Variants in COMMD1 observed in about 807,000 individuals in gnomAD.
The protein encoded by COMMD1 is copper metabolism domain containing 1, also known as COMM domain-containing protein 1.
COMMD1 carries 10 observed loss-of-function variants against 17.2 expected under a neutral mutation model. The observed-to-expected ratio is 0.58, with a 90% CI of 0.36 to 0.99. The LOEUF (loss-of-function observed/expected upper bound fraction) is 0.99, where lower values mean the gene tolerates loss of function less well. Ranked by LOEUF, COMMD1 falls within the 50% of genes least tolerant of loss-of-function variation. COMMD1 has a pLI of 0.01. For synonymous variants in COMMD1, 97 were observed against 91.6 expected, an observed-to-expected ratio of 1.06 and a Z score of -0.34; for missense variants, 270 against 231.8, an observed-to-expected ratio of 1.17 and a Z score of -1.07.
At chr2:61,941,119 C>A (rs1558529185) in intron 1 of COMMD1, among the ~76,000 whole-genome samples, 1 of 151,984 alleles carries the variant, frequency 6.6e-6, no homozygotes, top group Non-Finnish European at 1.5e-5. Flanking sequence ...CCTCCGACTC[C>A]CGGGTTCAAG....
At chr2:61,943,648 A>C (rs1670811866) in intron 1 of COMMD1, among the ~76,000 whole-genome samples, 1 of 152,138 alleles carries the variant, frequency 6.6e-6, no homozygotes, top group African/African-American at 2.4e-5. Context: ...CAACCTGGCC[A>C]ATATGGTGAA....
chr2:62,045,695 T>C (rs1346543409), intron 2 of COMMD1, among the ~76,000 whole-genome samples: 3 of 145,738 alleles, frequency 2.1e-5, no homozygotes, highest in Non-Finnish European at 4.5e-5. Context: ...AGCCACCAAA[T>C]CTGGCCTCCT....
At chr2:62,110,785 C>T (rs944419495) in intron 2 of COMMD1, among the ~76,000 whole-genome samples, 3 of 152,022 alleles carry the variant, frequency 2.0e-5, no homozygotes, top group Non-Finnish European at 4.4e-5. Flanking sequence ...TTATCTGGGA[C>T]ACCGTTCAAA....
chr2:61,986,193 C>G (rs936338326), intron 1 of COMMD1, among the ~76,000 whole-genome samples: 1 of 151,896 alleles, frequency 6.6e-6, no homozygotes, highest in Admixed American at 6.6e-5. Flanking sequence ...ATATGTCATG[C>G]CAATCTCACC....
intron 1 of COMMD1, among the ~76,000 whole-genome samples, chr2:61,979,563 C>T (rs576973733): frequency 2.6e-5 from 4 of 152,176 alleles, no homozygotes; most frequent in South Asian, 2.1e-4. Context: ...ATCAGGATAT[C>T]GAAGAGATAT....
chr2:61,896,419 C>G (rs1669549733), intron 1 of COMMD1, among the ~76,000 whole-genome samples: 1 of 151,460 alleles, frequency 6.6e-6, no homozygotes, highest in Non-Finnish European at 1.5e-5. Context: ...GATCCTGTCT[C>G]TAAAAAAAAA....
intron 2 of COMMD1, among the ~76,000 whole-genome samples, chr2:62,067,502 A>G (rs963527775): frequency 6.6e-6 from 1 of 152,252 alleles, no homozygotes; most frequent in Admixed American, 6.5e-5. Flanking sequence ...ATGCTTCATA[A>G]CAAGACAGAG....
intron 1 of COMMD1, among the ~76,000 whole-genome samples, chr2:61,963,774 A>G (rs1321389439): frequency 6.6e-6 from 1 of 152,236 alleles, no homozygotes. Flanking sequence ...GGTAGTTTGT[A>G]TCAGAATTGC....
chr2:62,073,959 A>T (rs748165876), intron 2 of COMMD1, among the ~76,000 whole-genome samples: 1 of 152,184 alleles, frequency 6.6e-6, no homozygotes, highest in Non-Finnish European at 1.5e-5. Context: ...GGCCTCCTAA[A>T]GTGTTAGGAT....
chr2:62,021,918 TTTC>T (rs1669622287), intron 2 of COMMD1, among the ~76,000 whole-genome samples: 1 of 152,236 alleles, frequency 6.6e-6, no homozygotes, highest in Non-Finnish European at 1.5e-5. Flanking sequence ...TGATTTGTGT[TTTC>T]TTCTGTAGAA....
At chr2:62,044,203 T>A (rs1249003667) in intron 2 of COMMD1, among the ~76,000 whole-genome samples, 1 of 152,226 alleles carries the variant, frequency 6.6e-6, no homozygotes, top group Non-Finnish European at 1.5e-5. Context: ...AATCAATTTG[T>A]TTATTCTTTT....
At chr2:61,932,775 G>A (rs974315046) in intron 1 of COMMD1, among the ~76,000 whole-genome samples, 47 of 152,288 alleles carry the variant, frequency 3.1e-4, no homozygotes, top group African/African-American at 1.1e-3. Context: ...GTGCAGGAAC[G>A]AGAGCAAATG....
chr2:62,014,790 C>T (rs1669389501), intron 2 of COMMD1, among the ~76,000 whole-genome samples: 1 of 151,822 alleles, frequency 6.6e-6, no homozygotes, highest in Non-Finnish European at 1.5e-5. Context: ...TGGTCTTGAA[C>T]TCCTGACCTC....
intron 1 of COMMD1, among the ~76,000 whole-genome samples, chr2:61,980,905 A>T (rs147467013): frequency 6.6e-6 from 1 of 152,206 alleles, no homozygotes; most frequent in Non-Finnish European, 1.5e-5. Context: ...TTGATGATCA[A>T]TGATGTTGAG....
rs559343690 is a variant in COMMD1, at chr2:62,122,244, G to A, written c.463-13587G>A. Reference sequence around the variant, plus strand: ...CCTTTGTAAATGCTTAAGTGCTGGCGCTTACGTAAATCAATACGGAATCAG... The same window carrying A: ...CCTTTGTAAATGCTTAAGTGCTGGCACTTACGTAAATCAATACGGAATCAG... On this transcript the variant is annotated intron_variant, in intron 2 of 2. Transcript: ENST00000311832. Among the ~76,000 whole-genome samples the A allele has an allele frequency of 6.6e-5, 10 of 152,180 alleles. No homozygotes were observed. The South Asian group carries it at 1.7e-3, about 25-fold the overall frequency.
intron 1 of COMMD1, among the ~76,000 whole-genome samples, chr2:61,937,281 T>A (rs1670629237): frequency 6.6e-6 from 1 of 152,180 alleles, no homozygotes; most frequent in Non-Finnish European, 1.5e-5. Flanking sequence ...CTGGTTAAAT[T>A]TTAGAGTGCC....
intron 2 of COMMD1, among the ~76,000 whole-genome samples, chr2:62,128,796 C>G (rs1052581212): frequency 3.3e-5 from 5 of 151,448 alleles, no homozygotes; most frequent in African/African-American, 1.2e-4. Flanking sequence ...ACTAAAAATA[C>G]AAAAAATTAG....
chr2:62,051,906 A>AAG (rs1305203235), intron 2 of COMMD1, among the ~76,000 whole-genome samples: 1 of 152,236 alleles, frequency 6.6e-6, no homozygotes, highest in African/African-American at 2.4e-5. Flanking sequence ...CTCATTTACT[A>AAG]AGCTGAGTTC....
intron 2 of COMMD1, among the ~76,000 whole-genome samples, chr2:62,122,678 C>T (rs1672782106): frequency 1.3e-5 from 2 of 152,206 alleles, no homozygotes; most frequent in Admixed American, 1.3e-4. Flanking sequence ...GGCAGGGTGG[C>T]CTGGGCCAAA....
Sources: allele counts gnomAD v4.1 joint callset (sites outside exome capture counted in the v4.1 genomes callset), GRCh38; gene constraint gnomAD v4.1.1; transcripts MANE v1.5; gene names NCBI Gene and HGNC (gene_info 2026-07-23, HGNC 2026-07-21).